NFASC: variants seen among roughly 807,000 people sequenced by gnomAD.
NFASC encodes the protein neurofascin homolog.
NFASC carries 43 observed loss-of-function variants against 147.5 expected under a neutral mutation model. That is an observed-to-expected ratio of 0.29 (90% confidence interval 0.23 to 0.38). The LOEUF (loss-of-function observed/expected upper bound fraction) is 0.38, where lower values mean the gene tolerates loss of function less well. NFASC is among the 10% of genes least tolerant of loss of function. The pLI is 1.00. For synonymous variants in NFASC, 622 were observed against 665.5 expected, an observed-to-expected ratio of 0.93 and a Z score of 1.01; for missense variants, 1,320 against 1,689.0, an observed-to-expected ratio of 0.78 and a Z score of 3.83.
intron 26 of NFASC, among the ~76,000 whole-genome samples, chr1:205,002,109 A>T (rs2096001385): frequency 1.3e-5 from 2 of 152,124 alleles, no homozygotes; most frequent in African/African-American, 4.8e-5. Flanking sequence ...ACAGGCACAC[A>T]CTTTTTCTGA....
intron 1 of NFASC, among the ~76,000 whole-genome samples, chr1:204,842,899 T>C (rs1675778388): frequency 6.6e-6 from 1 of 152,182 alleles, no homozygotes; most frequent in Non-Finnish European, 1.5e-5. Context: ...GGATGGGAGT[T>C]GTCTGCCATT....
At chr1:204,854,870 A>C (rs1033002639) in intron 1 of NFASC, among the ~76,000 whole-genome samples, 1 of 152,246 alleles carries the variant, frequency 6.6e-6, no homozygotes, top group African/African-American at 2.4e-5. Flanking sequence ...TCCAGACCCA[A>C]TACCATCAGA....
At chr1:204,974,049 G>T (rs557305995) in intron 12 of NFASC, 130 bp from the exon 13 acceptor site, 6 of 682,834 alleles carry the variant, frequency 8.8e-6, no homozygotes, top group African/African-American at 5.4e-5. Flanking sequence ...AGGAGGGAAG[G>T]TTGATAGGGG....
At chr1:204,886,456 T>A (rs1363366545) in intron 1 of NFASC, among the ~76,000 whole-genome samples, 1 of 152,244 alleles carries the variant, frequency 6.6e-6, no homozygotes, top group African/African-American at 2.4e-5. Context: ...CTTACTCAGA[T>A]CACTATTAGC....
chr1:204,876,669 G>T (rs972587866), intron 1 of NFASC, among the ~76,000 whole-genome samples: 2 of 151,946 alleles, frequency 1.3e-5, no homozygotes, highest in African/African-American at 2.4e-5. Context: ...ACTTAGCTAC[G>T]CTAGGAACCT....
rs758820976 is a variant in NFASC at position 204,957,653 on chromosome 1, T to C, written c.536-3T>C. ...CTGCTGCCGTACCTCTGCTTTCTTA[T>C]AGCCATGGAGCCCATCACCCAAGAC... On this transcript the variant is annotated splice_polypyrimidine_tract_variant and splice_region_variant and intron_variant, in intron 7 of 29. Coordinates refer to ENST00000339876, the MANE Select transcript of NFASC (RefSeq NM_001005388.3). The C allele has an allele frequency of 2.5e-6, 4 of 1,613,846 alleles. No homozygotes were observed. The highest frequency in any genetic ancestry group is 2.2e-5 in the East Asian group (1 of 44,876).
chr1:204,866,874 A>G (rs760138787), intron 1 of NFASC, among the ~76,000 whole-genome samples: 1 of 152,146 alleles, frequency 6.6e-6, no homozygotes, highest in Non-Finnish European at 1.5e-5. Context: ...TCCCACCTTG[A>G]GAGATTTGGT....
intron 28 of NFASC, 150 bp downstream of exon 28, chr1:205,009,838 C>A: frequency 2.4e-6 from 2 of 819,076 alleles, no homozygotes; most frequent in Non-Finnish European, 1.9e-6. Context: ...GCCTGTGCAT[C>A]TTCAGACTGC....
intron 2 of NFASC, among the ~76,000 whole-genome samples, chr1:204,924,006 C>T (rs930153937): frequency 2.6e-5 from 4 of 152,222 alleles, no homozygotes; most frequent in African/African-American, 9.7e-5. Context: ...CAAAGGGAGG[C>T]CCTTCTAGGG....
intron 10 of NFASC, among the ~76,000 whole-genome samples, chr1:204,969,614 T>C (rs2095141022): frequency 6.6e-6 from 1 of 152,212 alleles, no homozygotes; most frequent in African/African-American, 2.4e-5. Flanking sequence ...GTTGATCTTG[T>C]GACCTTGGCT....
chr1:204,970,053 C>T lies in NFASC; in HGVS notation c.1004-563C>T, dbSNP rs191791538. 2.0e-3 allele frequency among the ~76,000 whole-genome samples: 242 copies of T among 121,154 alleles called. 1 individual carries two copies. The highest frequency in any genetic ancestry group is 2.3e-3 in the South Asian group (8 of 3,490). The allele number at this position is 121,154 out of a possible 152,430, so 79.5% of individuals were successfully genotyped here. A position where few individuals can be genotyped will look rare whatever the true frequency, so the allele number is the denominator to read the frequency against. On this transcript the variant is annotated intron_variant, in intron 10 of 29. Coordinates refer to ENST00000339876, the MANE Select transcript of NFASC (RefSeq NM_001005388.3). The stretch of plus-strand genomic sequence containing the variant: ...ATTGCGCCACTGCGCCCCAGCCTGG[C>T]GACAGAGCAAGACTCCATCTCAAAA...
chr1:204,910,710 C>T (rs1049487760), intron 1 of NFASC, among the ~76,000 whole-genome samples: 3 of 151,960 alleles, frequency 2.0e-5, no homozygotes, highest in African/African-American at 4.8e-5. Flanking sequence ...GCTATGTTAT[C>T]CAGGCTGGTC....
At chr1:204,852,091 A>G (rs2075749041) in intron 1 of NFASC, among the ~76,000 whole-genome samples, 2 of 152,214 alleles carry the variant, frequency 1.3e-5, no homozygotes, top group African/African-American at 4.8e-5. Flanking sequence ...AAAATCAGAG[A>G]GCAGCTTTCT....
At chr1:204,988,833 G>A in intron 23 of NFASC, 27 bp downstream of exon 23, 1 of 1,608,330 alleles carries the variant, frequency 6.2e-7, no homozygotes. Flanking sequence ...AGCCCCTGGG[G>A]TAAAAGGTCC....
chr1:204,901,289 A>G (rs1236280762), intron 1 of NFASC, among the ~76,000 whole-genome samples: 2 of 152,166 alleles, frequency 1.3e-5, no homozygotes, highest in South Asian at 2.1e-4. Flanking sequence ...GTGAGTCCAG[A>G]TAAGATCACC....
intron 22 of NFASC, among the ~76,000 whole-genome samples, chr1:204,988,108 A>G (rs2095652422): frequency 6.6e-6 from 1 of 152,246 alleles, no homozygotes; most frequent in African/African-American, 2.4e-5. Flanking sequence ...AAAGTAGGTA[A>G]CGTACCTCGT....
chr1:204,979,433 A>G lies in NFASC; in HGVS notation c.2050A>G (p.Ser684Gly). The change falls in exon 19 of 30, where the codon AGC becomes GGC. Residue 684 changes from serine (S) to glycine (G), a missense_variant. Transcript: ENST00000339876. The surrounding 1 kb of genome is among the most constrained non-coding windows in gnomAD (Gnocchi z 6.0). ...VWHDHSKYPGSVNSAVLRLSP... is the reference protein window; with the variant it reads ...VWHDHSKYPGGVNSAVLRLSP... ...GCATGACCATTCCAAGTACCCCGGC[A>G]GCGTTAACTCAGCCGTCCTCCGGCT... The G allele has an allele frequency of 3.7e-6, 6 of 1,613,986 alleles. No homozygotes were observed. The South Asian group carries it at 6.6e-5, about 18-fold the overall frequency.
chr1:204,898,215 G>T (rs2083778288), intron 1 of NFASC, among the ~76,000 whole-genome samples: 1 of 152,162 alleles, frequency 6.6e-6, no homozygotes, highest in African/African-American at 2.4e-5. Context: ...CTGCATTAAG[G>T]TCATTAAGAA....
In NFASC at chr1:204,991,750, T is replaced by C. The variant is rs546833436; in HGVS notation, c.2782+444T>C. On this transcript the variant is annotated intron_variant, in intron 24 of 29. Coordinates refer to ENST00000339876, the MANE Select transcript of NFASC (RefSeq NM_001005388.3). ...GGCTCCTGGTGGGGCTGCCATCTCC[T>C]GAAAGGGTGAACATGCTGTGCATGC... 3.2e-4 allele frequency among the ~76,000 whole-genome samples: 48 copies of C among 152,318 alleles called. 1 individual carries two copies. The South Asian group carries it at 4.8e-3, about 15-fold the overall frequency.
Sources: allele counts gnomAD v4.1 joint callset (sites outside exome capture counted in the v4.1 genomes callset), GRCh38; gene constraint gnomAD v4.1.1; non-coding constraint Gnocchi (gnomAD v3.1); transcripts MANE v1.5; gene names NCBI Gene and HGNC (gene_info 2026-07-23, HGNC 2026-07-21).